The following XRCC6 variants were observed in gnomAD, a reference collection of about 807,000 sequenced individuals.
XRCC6 encodes the protein DNA repair protein Ku70.
XRCC6 carries 5 observed loss-of-function variants against 65.7 expected under a neutral mutation model. The ratio of observed to expected loss-of-function variants is 0.08; its 90% CI spans 0.04 to 0.16. XRCC6 has a LOEUF of 0.16. Among genes scored for constraint, XRCC6 ranks in the 10% least tolerant of loss-of-function variants. The pLI is 1.00. For synonymous variants in XRCC6, 270 were observed against 270.6 expected (o/e 1.00, Z 0.02); for missense variants, 447 against 738.1 (o/e 0.61, Z 4.57).
chr22:41,636,160 T>C lies in XRCC6; in HGVS notation c.243T>C (p.Asp81=), dbSNP rs2067807529. The C allele has an allele frequency of 6.2e-7, 1 of 1,603,126 alleles. No individual in the cohort carries two copies. The highest frequency in any genetic ancestry group is 8.5e-7 in the Non-Finnish European group (1 of 1,177,822). ...YISKIISSDR[D]LLAVVFYGTE... Reference sequence around the variant, plus strand: ...GTAAGATCATAAGCAGTGATCGAGATCTCTTGGCTGTGGTGTTCTATGGTA... The same window carrying C: ...GTAAGATCATAAGCAGTGATCGAGACCTCTTGGCTGTGGTGTTCTATGGTA... Residue 81 remains aspartate (D), a synonymous_variant, in exon 4 of 13, where the codon GAT becomes GAC. Coordinates refer to ENST00000360079, the MANE Select transcript of XRCC6 (RefSeq NM_001469.5).
intron 3 of XRCC6, among the ~76,000 whole-genome samples, chr22:41,633,275 A>G (rs748808424): frequency 6.6e-6 from 1 of 152,324 alleles, no homozygotes; most frequent in East Asian, 1.9e-4. Flanking sequence ...CTGATTCTCT[A>G]TGTCTAGAAT....
At chr22:41,628,632 A>T (rs1413340363) in intron 3 of XRCC6, among the ~76,000 whole-genome samples, 1 of 152,178 alleles carries the variant, frequency 6.6e-6, no homozygotes, top group Non-Finnish European at 1.5e-5. Context: ...AGATGGCTAC[A>T]ATAAAAAGGC....
intron 2 of XRCC6, among the ~76,000 whole-genome samples, chr22:41,627,338 C>T (rs28384711): frequency 0.019 from 2,909 of 151,994 alleles, 96 homozygotes; most frequent in African/African-American, 0.066. Context: ...GGGTGGGGTG[C>T]GGTGGCTCAC....
chr22:41,659,089 C>T (rs2068075496), intron 11 of XRCC6, among the ~76,000 whole-genome samples: 1 of 152,238 alleles, frequency 6.6e-6, no homozygotes, highest in East Asian at 1.9e-4. Context: ...GCAGTTGGTC[C>T]CCGCCCGGCT....
chr22:41,655,006 T>G (rs1347711385), intron 9 of XRCC6, among the ~76,000 whole-genome samples: 1 of 152,216 alleles, frequency 6.6e-6, no homozygotes, highest in Non-Finnish European at 1.5e-5. Context: ...CATCTGTTTG[T>G]TCAGCATCTC....
chr22:41,638,776 CAAAAAAAA>C (rs56677816), intron 6 of XRCC6, among the ~76,000 whole-genome samples: 1 of 65,702 alleles, frequency 1.5e-5, no homozygotes, highest in African/African-American at 5.8e-5. Flanking sequence ...GACTCCGCCT[CAAAAAAAA>C]AAAAAAAAAA....
chr22:41,658,631 A>G (rs2068068760), intron 11 of XRCC6, among the ~76,000 whole-genome samples: 1 of 152,158 alleles, frequency 6.6e-6, no homozygotes, highest in African/African-American at 2.4e-5. Context: ...AAATAATATA[A>G]GAGGCTGGGC....
rs11912496 is a variant in XRCC6, at chr22:41,657,861, C to T, written c.1422-391C>T. On this transcript the variant is annotated intron_variant, in intron 10 of 12. Coordinates refer to ENST00000360079, the MANE Select transcript of XRCC6 (RefSeq NM_001469.5). ...TGACTTGAGACAAAGTCTTGCTCTG[C>T]CATCCAGGCTGGAGTACCGTGGCAC... Among the ~76,000 whole-genome samples the T allele has an allele frequency of 6.6e-3, 996 of 152,020 alleles. 7 individuals carry two copies. Among genetic ancestry groups the T allele is most frequent in the African/African-American group, 0.023 (951 of 41,474 alleles).
intron 7 of XRCC6, 84 bp downstream of exon 7, chr22:41,647,166 A>G (rs1053939652): frequency 4.8e-6 from 7 of 1,451,576 alleles, no homozygotes; most frequent in South Asian, 1.3e-5. Context: ...TGGGGCGAAC[A>G]TGACTCGCTA....
At chr22:41,639,665 CTCTT>C (rs1468568676) in intron 6 of XRCC6, among the ~76,000 whole-genome samples, 1 of 26,444 alleles carries the variant, frequency 3.8e-5, no homozygotes, top group Admixed American at 1.9e-4. Context: ...TAGATTCTCT[CTCTT>C]TTTTTTTTTT....
chr22:41,660,260 A>G (rs2068087285), intron 11 of XRCC6, among the ~76,000 whole-genome samples: 1 of 152,188 alleles, frequency 6.6e-6, no homozygotes, highest in African/African-American at 2.4e-5. Context: ...CAAAAAAGGA[A>G]ACAAAAGTAT....
chr22:41,650,102 T>C (rs1166955665), intron 7 of XRCC6, among the ~76,000 whole-genome samples: 1 of 151,890 alleles, frequency 6.6e-6, no homozygotes, highest in Non-Finnish European at 1.5e-5. Flanking sequence ...AGTACATTTT[T>C]TTTTTTCTTT....
chr22:41,649,139 A>AAAAAATATATAT, intron 7 of XRCC6, among the ~76,000 whole-genome samples: 1 of 88,728 alleles, frequency 1.1e-5, no homozygotes, highest in Non-Finnish European at 2.1e-5. Flanking sequence ...AAAAAAAAAA[A>AAAAAATATATAT]ATATATATAT....
Position 41,621,995 on chromosome 22 carries a change from A to G in XRCC6, c.-10A>G. The G allele has an allele frequency of 6.2e-7, 1 of 1,614,246 alleles. No individual in the cohort carries two copies. The highest frequency in any genetic ancestry group is 8.5e-7 in the Non-Finnish European group (1 of 1,180,024). On this transcript the variant is annotated 5_prime_UTR_variant, in exon 2 of 13. Transcript: ENST00000360079. The stretch of plus-strand genomic sequence containing the variant: ...CGTTAACGTCTTTCGCCTAGTGAGC[A>G]GTAGCCAACATGTCAGGGTGGGAGT...
intron 12 of XRCC6, among the ~76,000 whole-genome samples, chr22:41,662,417 A>C (rs2068108090): frequency 6.6e-6 from 1 of 152,216 alleles, no homozygotes. Context: ...ATATTTACAC[A>C]TACCAACATA....
chr22:41,626,455 T>A (rs930112941), intron 2 of XRCC6, among the ~76,000 whole-genome samples: 2 of 151,576 alleles, frequency 1.3e-5, no homozygotes, highest in Admixed American at 1.3e-4. Flanking sequence ...TAATTTTTTA[T>A]TTTTTATTTA....
At chr22:41,645,466 C>T (rs1010856091) in intron 6 of XRCC6, among the ~76,000 whole-genome samples, 8 of 151,998 alleles carry the variant, frequency 5.3e-5, no homozygotes, top group Non-Finnish European at 1.2e-4. Flanking sequence ...GAATCACATC[C>T]TTTCATGGCC....
At chr22:41,645,504 G>A (rs2067922017) in intron 6 of XRCC6, among the ~76,000 whole-genome samples, 1 of 151,936 alleles carries the variant, frequency 6.6e-6, no homozygotes, top group South Asian at 2.1e-4. Context: ...ACTCTCAGAT[G>A]AGAACGTCCT....
chr22:41,628,166 C>T lies in XRCC6; in HGVS notation c.131C>T (p.Ala44Val), dbSNP rs950456250. The T allele has an allele frequency of 5.0e-6, 8 of 1,613,574 alleles. No individual in the cohort carries two copies. In the African/African-American group the frequency reaches 9.3e-5, roughly 19 times the overall value. ...GATAGTTTGATTTTTTTGGTTGATG[C>T]CTCCAAGGCTATGTTTGAATCTCAG... ...GRDSLIFLVD[A>V]SKAMFESQSE... The change falls in exon 3 of 13, where the codon GCC becomes GTC. Residue 44 changes from alanine to valine, a missense_variant. Physicochemically the swap from Ala to Val is moderately conservative, Grantham distance 64 (BLOSUM62 0). Around this residue, in one of 4 missense-constraint regions of XRCC6, gnomAD observed 228 missense variants for 307.4 expected, o/e 0.74. Transcript: ENST00000360079.
Sources: allele counts gnomAD v4.1 joint callset (sites outside exome capture counted in the v4.1 genomes callset), GRCh38; gene constraint gnomAD v4.1.1; regional missense constraint gnomAD v4.1.1; transcripts MANE v1.5; gene names NCBI Gene and HGNC (gene_info 2026-07-23, HGNC 2026-07-21).